LIG3: variants seen among roughly 807,000 people sequenced by gnomAD.
LIG3 encodes the protein ligase II, DNA, ATP-dependent.
A neutral mutation model predicts 110.9 loss-of-function variants in LIG3; 58 were observed. That is an observed-to-expected ratio of 0.52 (90% CI 0.42 to 0.65). The LOEUF (loss-of-function observed/expected upper bound fraction) is 0.65. Among genes scored for constraint, LIG3 ranks in the 30% least tolerant of loss-of-function variants. The pLI is 0.00. For missense variants in LIG3, 1,094 were observed against 1,273.8 expected, an observed-to-expected ratio of 0.86 and a Z score of 2.15; for synonymous variants, 422 against 472.8, an observed-to-expected ratio of 0.89 and a Z score of 1.39.
At chr17:34,986,963 C>T (rs1410694694) in intron 3 of LIG3, among the ~76,000 whole-genome samples, 1 of 152,112 alleles carries the variant, frequency 6.6e-6, no homozygotes, top group Non-Finnish European at 1.5e-5. Flanking sequence ...GGCAGTACAG[C>T]CTAGGGATGA....
At chr17:34,985,834 C>T in intron 2 of LIG3, 154 bp from the exon 3 acceptor site, 2 of 624,724 alleles carry the variant, frequency 3.2e-6, no homozygotes, top group Non-Finnish European at 5.6e-6. Context: ...CTACTACCCC[C>T]ACTCAAAAAA....
Position 34,996,195 on chromosome 17 carries a change from G to A in LIG3, c.1743G>A (p.Lys581=), listed in dbSNP as rs1355696797. 6.2e-7 allele frequency: 1 copy of A among 1,614,040 alleles called. No individual in the cohort carries two copies. Residue 581 remains lysine, a splice_region_variant and synonymous_variant, in exon 10 of 20, where the codon AAG becomes AAA. Coordinates refer to ENST00000378526, the MANE Select transcript of LIG3 (RefSeq NM_013975.4). Reference sequence around the variant, plus strand: ...CCTTTGGGACTCTGGGAGTACACAAGGTACTAGCTCAGGGCCATATGTGCA... The same window carrying A: ...CCTTTGGGACTCTGGGAGTACACAAAGTACTAGCTCAGGGCCATATGTGCA... ...PLPFGTLGVH[K]KAAFQDANVC...
rs148073351 is a variant in LIG3 at position 34,991,040 on chromosome 17, G to A, written c.967G>A (p.Asp323Asn). ...CATTAAGACTGTTTACAACTTGAAC[G>A]ATAAGCAGATTGTGAAGCTTTTCAG... ...GVIKTVYNLN[D>N]KQIVKLFSRI... The change falls in exon 5 of 20, where the codon GAT (aspartate) becomes AAT (asparagine). Residue 323 changes from aspartate to asparagine, a missense_variant. Physicochemically the swap from Asp to Asn is conservative, Grantham distance 23 (BLOSUM62 1). Coordinates refer to ENST00000378526, the MANE Select transcript of LIG3 (RefSeq NM_013975.4). 23 of 1,613,974 alleles carry A rather than the reference G, an allele frequency of 1.4e-5. No homozygotes were observed. Among genetic ancestry groups the A allele is most frequent in the Non-Finnish European group, 1.7e-5 (20 of 1,179,978 alleles).
rs770933343 is a variant in LIG3, at chr17:34,983,508, A to G, written c.503A>G (p.Glu168Gly). 3 of 1,614,058 alleles carry G rather than the reference A, an allele frequency of 1.9e-6. No individual in the cohort carries two copies. The South Asian group carries it at 3.3e-5, about 18-fold the overall frequency. ...EDLTELEGWE[E>G]LEDNEKEQIT... is the part of the protein sequence containing the mutation. ...CTCACAGAGCTGGAAGGCTGGGAAGAGCTGGAAGATAATGAGAAGGAACAG... is the reference window on the plus strand; with the variant it reads ...CTCACAGAGCTGGAAGGCTGGGAAGGGCTGGAAGATAATGAGAAGGAACAG... The change falls in exon 2 of 20, where the codon GAG (glutamate) becomes GGG (glycine). Residue 168 changes from glutamate to glycine, a missense_variant. Coordinates refer to ENST00000378526, the MANE Select transcript of LIG3 (RefSeq NM_013975.4).
Position 34,984,613 on chromosome 17 carries a change from A to G in LIG3, c.547+1061A>G, listed in dbSNP as rs778487223. Among the ~76,000 whole-genome samples, 58 of 149,536 alleles carry G rather than the reference A, an allele frequency of 3.9e-4. 1 individual carries two copies. The highest frequency in any genetic ancestry group is 3.3e-3 in the Middle Eastern group (1 of 306). On this transcript the variant is annotated intron_variant, in intron 2 of 19. Coordinates refer to ENST00000378526, the MANE Select transcript of LIG3 (RefSeq NM_013975.4). Reference sequence around the variant, plus strand: ...TGTTAAAGAGTAAAACCTGGATACTATGTGTCCACATTGTCATGGGGTATC... The same window carrying G: ...TGTTAAAGAGTAAAACCTGGATACTGTGTGTCCACATTGTCATGGGGTATC...
At chr17:34,988,553 A>G (rs906515607) in intron 3 of LIG3, among the ~76,000 whole-genome samples, 1 of 152,216 alleles carries the variant, frequency 6.6e-6, no homozygotes, top group Non-Finnish European at 1.5e-5. Flanking sequence ...AATGGTCACA[A>G]GGAGGTGAAA....
At position 34,994,369 on chromosome 17, in the gene LIG3, C is replaced by T; in HGVS notation, c.1549C>T (p.His517Tyr). The change falls in exon 9 of 20, where the codon CAT becomes TAT. Residue 517 changes from histidine to tyrosine, a missense_variant. Transcript: ENST00000378526. ...IKYDGERVQV[H>Y]KNGDHFSYFS... ...GTACGATGGAGAGCGAGTCCAGGTG[C>T]ATAAGAATGGAGACCACTTCAGCTA... is the stretch of plus-strand genomic sequence containing the variant. 1 of 1,614,190 alleles carries T rather than the reference C, an allele frequency of 6.2e-7. No homozygotes were observed. Among genetic ancestry groups the T allele is most frequent in the Non-Finnish European group, 8.5e-7 (1 of 1,180,002 alleles).
At position 35,005,547 on chromosome 17, in the gene LIG3, A is replaced by G; in HGVS notation, c.*1041A>G. On this transcript the variant is annotated 3_prime_UTR_variant, in exon 20 of 20. Coordinates refer to ENST00000378526, the MANE Select transcript of LIG3 (RefSeq NM_013975.4). ...AAGTAAATGGACAGTATATTATGGA[A>G]GGATTTGCATCCAGCTTCCTGTTTA... is the stretch of plus-strand genomic sequence containing the variant. The G allele has an allele frequency of 1.7e-6, 1 of 578,436 alleles. No homozygotes were observed. The highest frequency in any genetic ancestry group is 3.5e-6 in the Non-Finnish European group (1 of 287,828). 35.8% of individuals were successfully genotyped at this position (578,436 alleles called of 1,614,324 possible). A position where few individuals can be genotyped will look rare whatever the true frequency, so the allele number is the denominator to read the frequency against.
At chr17:34,994,601 G>T (rs2090759613) in intron 9 of LIG3, among the ~76,000 whole-genome samples, 170 bp downstream of exon 9, 1 of 152,192 alleles carries the variant, frequency 6.6e-6, no homozygotes, top group Non-Finnish European at 1.5e-5. Context: ...CCATAATGAA[G>T]GGCTGCTCAG....
chr17:34,989,739 C>A, intron 4 of LIG3, 76 bp downstream of exon 4: 1 of 1,364,422 alleles, frequency 7.3e-7, no homozygotes, highest in Non-Finnish European at 1.0e-6. Flanking sequence ...GGCATGTGAG[C>A]TGTATAGTTG....
chr17:34,999,803 T>G lies in LIG3; in HGVS notation c.2278T>G (p.Trp760Gly). The change falls in exon 16 of 20, where the codon TGG (tryptophan) becomes GGG (glycine). Residue 760 changes from tryptophan (W) to glycine (G), a missense_variant. Trp to Gly is a radical substitution (Grantham distance 184, BLOSUM62 -2). Coordinates refer to ENST00000378526, the MANE Select transcript of LIG3 (RefSeq NM_013975.4). ...CTAGGACCCCAGCAAAATACCCAGC[T>G]GGTTGAAGGTCAACAAGATCTACTA... ...ISKDPSKIPS[W>G]LKVNKIYYPD... is the part of the protein sequence containing the mutation. The G allele has an allele frequency of 1.9e-6, 3 of 1,614,170 alleles. No individual in the cohort carries two copies. The highest frequency in any genetic ancestry group is 2.5e-6 in the Non-Finnish European group (3 of 1,180,002).
Position 35,004,572 on chromosome 17 carries a change from C to A in LIG3, c.*66C>A. The A allele has an allele frequency of 1.5e-6, 2 of 1,357,616 alleles. No individual in the cohort carries two copies. Among genetic ancestry groups the A allele is most frequent in the Non-Finnish European group, 2.1e-6 (2 of 955,646 alleles). The allele number at this position is 1,357,616 out of a possible 1,614,324, so 84.1% of individuals were successfully genotyped here. A position where few individuals can be genotyped will look rare whatever the true frequency, so the allele number is the denominator to read the frequency against. ...ACCATACTACTGGACTGGACTCAGG[C>A]TGGAGGCAGATAGACACAGTATAGG... is the stretch of plus-strand genomic sequence containing the variant. On this transcript the variant is annotated 3_prime_UTR_variant, in exon 20 of 20. Transcript: ENST00000378526.
rs553785715 is a variant in LIG3 at position 34,991,941 on chromosome 17, G to A, written c.1209-17G>A. 38 of 1,614,006 alleles carry A rather than the reference G, an allele frequency of 2.4e-5. 1 individual carries two copies. The African/African-American group carries it at 3.6e-4, about 15-fold the overall frequency. ...AGAGCTCTTCAAGACCAAGTTAAAT[G>A]TGCTTCATCCCCCTAGGTGTACAGC... is the stretch of plus-strand genomic sequence containing the variant. On this transcript the variant is annotated splice_polypyrimidine_tract_variant and intron_variant, in intron 6 of 19. Transcript: ENST00000378526.
At position 34,999,387 on chromosome 17, in the gene LIG3, G is replaced by A; in HGVS notation, c.2194G>A (p.Gly732Ser). 2 of 1,614,164 alleles carry A rather than the reference G, an allele frequency of 1.2e-6. No individual in the cohort carries two copies. Among genetic ancestry groups the A allele is most frequent in the Non-Finnish European group, 1.7e-6 (2 of 1,180,020 alleles). ...KWCTVTKCAG[G>S]HDDATLARLQ... ...GTGCACAGTCACCAAGTGTGCAGGAGGCCATGATGATGCCACGCTTGCCCG... is the reference window on the plus strand; with the variant it reads ...GTGCACAGTCACCAAGTGTGCAGGAAGCCATGATGATGCCACGCTTGCCCG... Residue 732 changes from glycine to serine, a missense_variant, in exon 15 of 20, where the codon GGC becomes AGC. Physicochemically the swap from Gly to Ser is moderately conservative, Grantham distance 56. Transcript: ENST00000378526.
chr17:35,006,302 T>C lies in LIG3; in HGVS notation c.*1796T>C, dbSNP rs2090894881. The C allele has an allele frequency of 3.2e-5, 5 of 155,008 alleles. No individual in the cohort carries two copies. Among genetic ancestry groups the C allele is most frequent in the African/African-American group, 9.6e-5 (4 of 41,482 alleles). 9.6% of individuals were successfully genotyped at this position (155,008 alleles called of 1,614,324 possible). On this transcript the variant is annotated 3_prime_UTR_variant, in exon 20 of 20. Coordinates refer to ENST00000378526, the MANE Select transcript of LIG3 (RefSeq NM_013975.4). ...CACAACTAAGGAACTGAAGTTCTTA[T>C]TTTAATTCAACTTCAAATGGTCACA...
At chr17:34,986,722 G>A (rs2090659872) in intron 3 of LIG3, among the ~76,000 whole-genome samples, 1 of 152,186 alleles carries the variant, frequency 6.6e-6, no homozygotes, top group Admixed American at 6.5e-5. Flanking sequence ...AGTTACCTGG[G>A]CCAGACAGAG....
In LIG3 at chr17:35,007,163, C is replaced by T. The variant is rs1388600920; in HGVS notation, c.*2657C>T. The stretch of plus-strand genomic sequence containing the variant: ...AGGCACTGTCCTCTCCAACCTGGAC[C>T]CAGCCCCACTTGCCCTTATTGGTTG... On this transcript the variant is annotated 3_prime_UTR_variant, in exon 20 of 20. Transcript: ENST00000378526. 6.6e-6 allele frequency: 1 copy of T among 152,248 alleles called. No individual in the cohort carries two copies. Among genetic ancestry groups the T allele is most frequent in the African/African-American group, 2.4e-5 (1 of 41,442 alleles). 9.4% of individuals were successfully genotyped at this position (152,248 alleles called of 1,614,324 possible). A position where few individuals can be genotyped will look rare whatever the true frequency, so the allele number is the denominator to read the frequency against.
chr17:35,002,017 T>A lies in LIG3; in HGVS notation c.2587T>A (p.Ser863Thr). The change falls in exon 18 of 20, where the codon TCT becomes ACT. Residue 863 changes from serine (S) to threonine (T), a missense_variant. Transcript: ENST00000378526. Reference sequence around the variant, plus strand: ...TGAAGAGAATAAGGGTCCCTCAGGGTCTGCTGTGTCCCGCAAGGCCCCCAG... The same window carrying A: ...TGAAGAGAATAAGGGTCCCTCAGGGACTGCTGTGTCCCGCAAGGCCCCCAG... ...SSEENKGPSGSAVSRKAPSKP... is the reference protein window; with the variant it reads ...SSEENKGPSGTAVSRKAPSKP... 4 of 1,612,040 alleles carry A rather than the reference T, an allele frequency of 2.5e-6. No homozygotes were observed. Among genetic ancestry groups the A allele is most frequent in the Non-Finnish European group, 3.4e-6 (4 of 1,179,166 alleles).
In LIG3 at chr17:34,982,873, G is replaced by A. The variant is rs2090613499; in HGVS notation, c.-4-129G>A. 3.5e-5 allele frequency: 23 copies of A among 664,056 alleles called. No homozygotes were observed. The South Asian group carries it at 5.9e-4, about 17-fold the overall frequency. The allele number at this position is 664,056 out of a possible 1,614,324, so 41.1% of individuals were successfully genotyped here. A position where few individuals can be genotyped will look rare whatever the true frequency, so the allele number is the denominator to read the frequency against. On this transcript the variant is annotated intron_variant, in intron 1 of 19. Transcript: ENST00000378526. ...TCATGCTGTAGAGTAGACTATGAAT[G>A]TAATACTTTGGAAAGTGTTTGATTA... is the stretch of plus-strand genomic sequence containing the variant.
Sources: gnomAD v4.1 joint callset for allele counts (sites outside exome capture counted in the v4.1 genomes callset) on GRCh38, gnomAD v4.1.1 for gene constraint, MANE v1.5 for transcripts, NCBI Gene and HGNC (gene_info 2026-07-23, HGNC 2026-07-21) for gene names.